The following CCSER1 variants were observed in gnomAD, a reference collection of about 807,000 sequenced individuals.
CCSER1 encodes serine-rich coiled-coil domain-containing protein 1.
In CCSER1, 41 loss-of-function variants were observed where a neutral mutation model predicts 82.0. The observed-to-expected ratio is 0.50, with a 90% CI of 0.39 to 0.65. CCSER1 has a LOEUF of 0.65. Ranked by LOEUF, CCSER1 falls within the 30% of genes least tolerant of loss-of-function variation. The pLI, the probability that CCSER1 is intolerant of heterozygous loss-of-function variation, is 0.00. For missense variants in CCSER1, 1,119 were observed against 1,064.2 expected (o/e 1.05, Z -0.72); for synonymous variants, 414 against 383.9 (o/e 1.08, Z -0.92).
At chr4:90,813,453 T>G (rs1758603165) in intron 7 of CCSER1, among the ~76,000 whole-genome samples, 3 of 152,328 alleles carry the variant, frequency 2.0e-5, no homozygotes, top group Middle Eastern at 3.4e-3. Context: ...CCTGATATAG[T>G]TTGGCTGTGT....
At chr4:90,579,806 G>T (rs1318954751) in intron 5 of CCSER1, among the ~76,000 whole-genome samples, 1 of 149,138 alleles carries the variant, frequency 6.7e-6, no homozygotes, top group African/African-American at 2.6e-5. Context: ...CTTTTGTGCA[G>T]TTTGACAAAT....
intron 8 of CCSER1, among the ~76,000 whole-genome samples, chr4:90,922,960 C>A (rs538538385): frequency 9.4e-4 from 143 of 152,170 alleles, no homozygotes; most frequent in Non-Finnish European, 1.7e-3. Context: ...TTAAAACAAA[C>A]TGAATAGAAT....
Position 90,727,278 on chromosome 4 carries a change from G to A in CCSER1, c.2010+3287G>A, listed in dbSNP as rs776840710. ...ACTGCATCATTATAGAAGAGCCAAA[G>A]GATAACCAATTTTGCATAGGTAGGA... On this transcript the variant is annotated intron_variant, in intron 7 of 10. Transcript: ENST00000509176. The A allele has an allele frequency of 8.8e-6, 4 of 455,940 alleles. No homozygotes were observed. In the East Asian group the frequency reaches 2.8e-4, roughly 32 times the overall value. The allele number at this position is 455,940 out of a possible 1,614,324, so 28.2% of individuals were successfully genotyped here.
At chr4:90,682,405 T>C (rs1734054961) in intron 6 of CCSER1, among the ~76,000 whole-genome samples, 1 of 152,054 alleles carries the variant, frequency 6.6e-6, no homozygotes, top group African/African-American at 2.4e-5. Context: ...CATGGCCTGG[T>C]GAATGCTTTC....
At chr4:90,609,975 A>G (rs1413432153) in intron 5 of CCSER1, among the ~76,000 whole-genome samples, 1 of 152,152 alleles carries the variant, frequency 6.6e-6, no homozygotes, top group Non-Finnish European at 1.5e-5. Context: ...ATGTGAGGCC[A>G]GGCGCGGTGG....
At chr4:90,572,755 G>A (rs1005140087) in intron 5 of CCSER1, among the ~76,000 whole-genome samples, 1 of 151,764 alleles carries the variant, frequency 6.6e-6, no homozygotes, top group African/African-American at 2.4e-5. Flanking sequence ...TTGTTTCTCT[G>A]GATCCTCTTG....
chr4:91,515,490 A>T (rs1257114406), intron 10 of CCSER1, among the ~76,000 whole-genome samples: 3 of 152,168 alleles, frequency 2.0e-5, no homozygotes, highest in African/African-American at 7.2e-5. Context: ...TTTACTTAAG[A>T]TAATGGCTTC....
chr4:90,690,849 A>C (rs1355991), intron 6 of CCSER1, among the ~76,000 whole-genome samples: 1 of 151,876 alleles, frequency 6.6e-6, no homozygotes, highest in Non-Finnish European at 1.5e-5. Context: ...TAGACCATGA[A>C]CCCAGAATAC....
At chr4:91,568,537 GTTCA>G (rs1364530893) in intron 10 of CCSER1, among the ~76,000 whole-genome samples, 1 of 151,996 alleles carries the variant, frequency 6.6e-6, no homozygotes, top group Non-Finnish European at 1.5e-5. Context: ...TGGAAGTTTT[GTTCA>G]TTCATTTTTA....
intron 10 of CCSER1, among the ~76,000 whole-genome samples, chr4:91,416,794 G>A (rs575881394): frequency 6.6e-6 from 1 of 152,230 alleles, no homozygotes; most frequent in African/African-American, 2.4e-5. Flanking sequence ...ATAGGCACTG[G>A]CAAAGATTTC....
chr4:90,267,258 T>C lies in CCSER1; in HGVS notation c.-41-40986T>C, dbSNP rs540596238. On this transcript the variant is annotated intron_variant, in intron 1 of 10. Coordinates refer to ENST00000509176, the MANE Select transcript of CCSER1 (RefSeq NM_001145065.2). Reference sequence around the variant, plus strand: ...AGTGGACACAGGGAGAATCTCCTGCTTGGGGAAAGAGGAATGAAGAGGGGG... The same window carrying C: ...AGTGGACACAGGGAGAATCTCCTGCCTGGGGAAAGAGGAATGAAGAGGGGG... Among the ~76,000 whole-genome samples the C allele has an allele frequency of 4.6e-5, 7 of 152,016 alleles. No individual in the cohort carries two copies. In the South Asian group the frequency reaches 1.5e-3, roughly 32 times the overall value.
intron 10 of CCSER1, among the ~76,000 whole-genome samples, chr4:91,363,169 G>A (rs936904765): frequency 6.6e-6 from 1 of 151,648 alleles, no homozygotes; most frequent in Non-Finnish European, 1.5e-5. Flanking sequence ...CAAAAAAACA[G>A]GGTAGATAAA....
At chr4:91,119,756 A>C (rs1268517040) in intron 10 of CCSER1, among the ~76,000 whole-genome samples, 1 of 152,060 alleles carries the variant, frequency 6.6e-6, no homozygotes, top group Non-Finnish European at 1.5e-5. Flanking sequence ...GCATATGACA[A>C]GTATGTAGAT....
chr4:90,782,975 G>T (rs1216360985), intron 7 of CCSER1, among the ~76,000 whole-genome samples: 1 of 149,364 alleles, frequency 6.7e-6, no homozygotes, highest in Non-Finnish European at 1.5e-5. Flanking sequence ...GCTCTGCCGC[G>T]CAGGCTGGAG....
At chr4:91,470,144 T>C (rs926895273) in intron 10 of CCSER1, among the ~76,000 whole-genome samples, 2 of 152,344 alleles carry the variant, frequency 1.3e-5, no homozygotes, top group African/African-American at 2.4e-5. Flanking sequence ...ATCTTTATTT[T>C]AATATTTTGT....
chr4:90,792,982 A>G (rs1755479778), intron 7 of CCSER1, among the ~76,000 whole-genome samples: 3 of 152,256 alleles, frequency 2.0e-5, no homozygotes, highest in African/African-American at 7.2e-5. Flanking sequence ...AAGAAGGGGT[A>G]ATAACTGGAC....
intron 10 of CCSER1, among the ~76,000 whole-genome samples, chr4:91,211,468 C>A (rs1409859701): frequency 6.6e-6 from 1 of 151,974 alleles, no homozygotes; most frequent in Non-Finnish European, 1.5e-5. Flanking sequence ...ATCTTAATGG[C>A]ATGATAATAC....
At chr4:90,194,927 G>C (rs947459310) in intron 1 of CCSER1, among the ~76,000 whole-genome samples, 2 of 152,018 alleles carry the variant, frequency 1.3e-5, no homozygotes, top group African/African-American at 4.8e-5. Flanking sequence ...AGTTCTGTGA[G>C]TTTCAGAAAT....
chr4:90,181,574 A>C (rs1251396776), intron 1 of CCSER1, among the ~76,000 whole-genome samples: 1 of 152,156 alleles, frequency 6.6e-6, no homozygotes, highest in Non-Finnish European at 1.5e-5. Flanking sequence ...AAAAAGCAAA[A>C]TAGTGAGACA....
Sources: allele counts gnomAD v4.1 joint callset (sites outside exome capture counted in the v4.1 genomes callset), GRCh38; gene constraint gnomAD v4.1.1; transcripts MANE v1.5; gene names NCBI Gene and HGNC (gene_info 2026-07-23, HGNC 2026-07-21).